The following WASHC5 variants were observed in gnomAD, a reference collection of about 807,000 sequenced individuals.
WASHC5 encodes WASH complex subunit strumpellin.
Under a neutral mutation model 150.4 loss-of-function variants are expected in WASHC5, and 101 were observed. The observed-to-expected ratio is 0.67, with a 90% CI of 0.57 to 0.79. The LOEUF (loss-of-function observed/expected upper bound fraction) is 0.79, where lower values mean the gene tolerates loss of function less well. WASHC5 is among the 30% of genes least tolerant of loss of function. The pLI, the probability that WASHC5 is intolerant of heterozygous loss-of-function variation, is 0.00. For missense variants in WASHC5, 1,195 were observed against 1,396.3 expected (o/e 0.86, Z 2.30); for synonymous variants, 467 against 491.2 (o/e 0.95, Z 0.65).
At chr8:125,059,978 A>C (rs1340816897) in intron 12 of WASHC5, among the ~76,000 whole-genome samples, 1 of 152,250 alleles carries the variant, frequency 6.6e-6, no homozygotes, top group African/African-American at 2.4e-5. Flanking sequence ...CAAAGTAGAA[A>C]TAATACAAGT....
chr8:125,044,218 G>A, intron 21 of WASHC5, 124 bp from the exon 22 acceptor site: 1 of 748,146 alleles, frequency 1.3e-6, no homozygotes, highest in Non-Finnish European at 2.3e-6. Flanking sequence ...CTCTAAACAG[G>A]ATGACAGCAA....
chr8:125,050,781 A>C (rs1298025400), intron 17 of WASHC5, 116 bp from the exon 18 acceptor site: 1 of 748,516 alleles, frequency 1.3e-6, no homozygotes, highest in Non-Finnish European at 2.4e-6. Context: ...CTCCTCACTA[A>C]ATGATTTGAA....
intron 14 of WASHC5, among the ~76,000 whole-genome samples, chr8:125,058,394 G>A (rs564697302): frequency 3.3e-5 from 5 of 151,188 alleles, no homozygotes; most frequent in Non-Finnish European, 5.9e-5. Flanking sequence ...TCACTCCCAC[G>A]TCCCAAAAAA....
chr8:125,091,139 T>TC (rs888042861), intron 1 of WASHC5, among the ~76,000 whole-genome samples: 3 of 149,426 alleles, frequency 2.0e-5, no homozygotes, highest in Non-Finnish European at 4.5e-5. Flanking sequence ...TTTTTTTTTT[T>TC]CCCCCAAATG....
chr8:125,025,833 G>GACACACAC (rs34050035), intron 28 of WASHC5, among the ~76,000 whole-genome samples: 205 of 148,132 alleles, frequency 1.4e-3, no homozygotes, highest in Middle Eastern at 3.5e-3. Context: ...TATGCAGACA[G>GACACACAC]ACACACACAC....
At chr8:125,052,740 C>T (rs532614701) in intron 17 of WASHC5, among the ~76,000 whole-genome samples, 8 of 152,112 alleles carry the variant, frequency 5.3e-5, no homozygotes, top group Non-Finnish European at 7.4e-5. Context: ...ATCCACAGTA[C>T]GAATGCACCA....
At chr8:125,071,972 G>C (rs1437002399) in intron 9 of WASHC5, among the ~76,000 whole-genome samples, 1 of 152,090 alleles carries the variant, frequency 6.6e-6, no homozygotes, top group African/African-American at 2.4e-5. Flanking sequence ...GCCAGCAATG[G>C]CCAGTCAGGT....
intron 27 of WASHC5, among the ~76,000 whole-genome samples, chr8:125,031,739 G>A (rs1815543606): frequency 6.6e-6 from 1 of 152,118 alleles, no homozygotes; most frequent in South Asian, 2.1e-4. Flanking sequence ...TAGGGGCAGG[G>A]GAAAAGAACT....
intron 28 of WASHC5, among the ~76,000 whole-genome samples, chr8:125,025,549 G>A (rs759514386): frequency 1.2e-4 from 18 of 151,998 alleles, no homozygotes; most frequent in East Asian, 5.8e-4. Context: ...TCAGCAGGGC[G>A]TGGTGGTACG....
intron 27 of WASHC5, among the ~76,000 whole-genome samples, chr8:125,029,163 C>T (rs779944816): frequency 2.6e-5 from 4 of 152,062 alleles, no homozygotes; most frequent in Non-Finnish European, 5.9e-5. Flanking sequence ...TCCCGACTGG[C>T]TGGGATTACA....
intron 3 of WASHC5, 86 bp downstream of exon 3, chr8:125,083,027 C>G (rs1446242210): frequency 6.6e-6 from 6 of 902,486 alleles, no homozygotes. Flanking sequence ...TTTGTAGTAA[C>G]TCAGAGAGAT....
intron 7 of WASHC5, among the ~76,000 whole-genome samples, chr8:125,075,612 C>A (rs564095842): frequency 3.9e-4 from 60 of 152,286 alleles, no homozygotes; most frequent in African/African-American, 1.4e-3. Context: ...GGCTGCTCAA[C>A]TCTGAGCTCA....
intron 18 of WASHC5, 115 bp downstream of exon 18, chr8:125,050,449 T>C (rs1010259353): frequency 1.4e-5 from 9 of 637,614 alleles, no homozygotes; most frequent in Non-Finnish European, 2.0e-5. Context: ...ATCACATATT[T>C]GATATACGTT....
Position 125,081,681 on chromosome 8 carries a change from C to T in WASHC5, c.498G>A (p.Leu166=), listed in dbSNP as rs1586388281. ...KIEGEVRERM[L]VSYYRYSAAR... The stretch of plus-strand genomic sequence containing the variant: ...AATACCTGTATCGGTAGTAAGAAAC[C>T]AGCATCCTCTCTCTGACTTCTCCTT... The change falls in exon 5 of 29, where the codon CTG becomes CTA. Residue 166 remains leucine, a synonymous_variant. Coordinates refer to ENST00000318410, the MANE Select transcript of WASHC5 (RefSeq NM_014846.4). 1.2e-6 allele frequency: 2 copies of T among 1,609,442 alleles called. No homozygotes were observed. Among genetic ancestry groups the T allele is most frequent in the Non-Finnish European group, 1.7e-6 (2 of 1,176,064 alleles).
At chr8:125,079,110 G>GTATA (rs1451588894) in intron 5 of WASHC5, among the ~76,000 whole-genome samples, 180 bp from the exon 6 acceptor site, 1 of 48,770 alleles carries the variant, frequency 2.1e-5, no homozygotes, top group African/African-American at 7.5e-5. Context: ...ATATGTGTGT[G>GTATA]TGTGTGTATA....
At chr8:125,056,985 T>C (rs1357313952) in intron 15 of WASHC5, among the ~76,000 whole-genome samples, 168 bp from the exon 16 acceptor site, 2 of 152,210 alleles carry the variant, frequency 1.3e-5, no homozygotes, top group Non-Finnish European at 2.9e-5. Flanking sequence ...TAAACATTAA[T>C]TGCTTACAGA....
intron 5 of WASHC5, among the ~76,000 whole-genome samples, chr8:125,079,185 C>CTTTTTTTTTTTTTTTTTTT (rs34211379): frequency 3.5e-5 from 2 of 57,560 alleles, no homozygotes; most frequent in African/African-American, 1.6e-4. Context: ...TATATATAAC[C>CTTTTTTTTTTTTTTTTTTT]TTTTTTTTTT....
chr8:125,035,146 T>C (rs1333615745), intron 26 of WASHC5, among the ~76,000 whole-genome samples: 3 of 152,248 alleles, frequency 2.0e-5, no homozygotes, highest in Non-Finnish European at 4.4e-5. Flanking sequence ...TCAGTCCTAC[T>C]GTAATTTAGT....
At chr8:125,090,098 C>T (rs1010231915) in intron 1 of WASHC5, among the ~76,000 whole-genome samples, 1 of 152,174 alleles carries the variant, frequency 6.6e-6, no homozygotes, top group Non-Finnish European at 1.5e-5. Context: ...GAAGTTAAAA[C>T]AAGATTAGCT....
Sources: allele counts gnomAD v4.1 joint callset (sites outside exome capture counted in the v4.1 genomes callset), GRCh38; gene constraint gnomAD v4.1.1; transcripts MANE v1.5; gene names NCBI Gene and HGNC (gene_info 2026-07-23, HGNC 2026-07-21).